SGMS1: variants seen among roughly 807,000 people sequenced by gnomAD.
SGMS1 encodes the protein phosphatidylcholine:ceramide cholinephosphotransferase 1.
SGMS1 carries 13 observed loss-of-function variants against 46.2 expected under a neutral mutation model. The observed-to-expected ratio is 0.28, with a 90% CI of 0.18 to 0.45. The LOEUF is 0.45. Among genes scored for constraint, SGMS1 ranks in the 20% least tolerant of loss-of-function variants. SGMS1 has a pLI of 1.00. For synonymous variants in SGMS1, 203 were observed against 187.8 expected (o/e 1.08, Z -0.66); for missense variants, 324 against 519.9 (o/e 0.62, Z 3.66).
At chr10:50,534,555 G>A (rs3011785) in intron 2 of SGMS1, among the ~76,000 whole-genome samples, 6,838 of 152,162 alleles carry the variant, frequency 0.045, 213 homozygotes, top group Non-Finnish European at 0.068. Context: ...CTATCTTAAG[G>A]AAATAATTAG....
chr10:50,327,173 AG>A, intron 8 of SGMS1, 31 bp downstream of exon 8: 1 of 1,369,276 alleles, frequency 7.3e-7, no homozygotes, highest in Non-Finnish European at 1.0e-6. Flanking sequence ...AGAAACAAAC[AG>A]AAAGCGAAAT....
intron 1 of SGMS1, among the ~76,000 whole-genome samples, chr10:50,591,194 T>G (rs1049788385): frequency 2.0e-5 from 3 of 152,206 alleles, no homozygotes; most frequent in African/African-American, 4.8e-5. Context: ...AAGCAGGGTT[T>G]ATGGATCCCA....
intron 2 of SGMS1, among the ~76,000 whole-genome samples, chr10:50,538,469 A>C (rs941574443): frequency 9.2e-5 from 14 of 151,862 alleles, no homozygotes; most frequent in Non-Finnish European, 1.8e-4. Flanking sequence ...AAAAAAAAAA[A>C]AAAAAAAAGA....
chr10:50,366,094 T>C (rs1323753538), intron 6 of SGMS1, among the ~76,000 whole-genome samples: 2 of 152,282 alleles, frequency 1.3e-5, no homozygotes, highest in Non-Finnish European at 2.9e-5. Context: ...CTGATTAAAC[T>C]AAAGAGTTTC....
chr10:50,307,869 T>G lies in SGMS1; in HGVS notation c.1062+113A>C, dbSNP rs1343821067. The G allele has an allele frequency of 1.0e-5, 10 of 955,474 alleles. No individual in the cohort carries two copies. The East Asian group carries it at 2.2e-4, about 21-fold the overall frequency. 59.2% of individuals were successfully genotyped at this position (955,474 alleles called of 1,614,324 possible). ...AAAAAACAATACAATCTTAGTTGAT[T>G]ACTACTTAAGAAAGAGAAACTTCAG... On this transcript the variant is annotated intron_variant, in intron 10 of 10. Transcript: ENST00000361781. This position sits in a 1 kb window ranked among gnomAD's most constrained non-coding sequence, Gnocchi z 4.2.
At chr10:50,480,906 G>T (rs1380438244) in intron 3 of SGMS1, among the ~76,000 whole-genome samples, 1 of 152,072 alleles carries the variant, frequency 6.6e-6, no homozygotes, top group African/African-American at 2.4e-5. Flanking sequence ...ATCATGGCCA[G>T]ACTGCTTCTT....
chr10:50,374,766 T>C (rs1208816607), intron 6 of SGMS1, among the ~76,000 whole-genome samples: 3 of 152,128 alleles, frequency 2.0e-5, no homozygotes, highest in Non-Finnish European at 4.4e-5. Context: ...ACTGTTTCTC[T>C]AATATGCCTA....
intron 2 of SGMS1, among the ~76,000 whole-genome samples, chr10:50,563,691 C>A (rs575961375): frequency 5.7e-5 from 8 of 139,160 alleles, no homozygotes; most frequent in Admixed American, 3.0e-4. Context: ...TGCAGTGAGC[C>A]GAGATCCCGC....
intron 6 of SGMS1, among the ~76,000 whole-genome samples, chr10:50,431,601 A>G (rs1027436053): frequency 6.6e-6 from 1 of 152,178 alleles, no homozygotes; most frequent in Admixed American, 6.5e-5. Context: ...TTCACTCCCT[A>G]AGATTTTAAT....
At chr10:50,605,844 C>T (rs1838689544) in intron 1 of SGMS1, among the ~76,000 whole-genome samples, 1 of 152,052 alleles carries the variant, frequency 6.6e-6, no homozygotes, top group African/African-American at 2.4e-5. Context: ...GGTATCCATC[C>T]CTCAAATAAT....
intron 1 of SGMS1, among the ~76,000 whole-genome samples, chr10:50,609,521 G>GTTTTTTTT (rs370846975): frequency 8.5e-6 from 1 of 117,010 alleles, no homozygotes; most frequent in African/African-American, 3.2e-5. Context: ...CTTCTCAATA[G>GTTTTTTTT]TTTTTTTTTT....
At chr10:50,439,681 T>C (rs1161986666) in intron 5 of SGMS1, among the ~76,000 whole-genome samples, 1 of 152,174 alleles carries the variant, frequency 6.6e-6, no homozygotes, top group Non-Finnish European at 1.5e-5. Flanking sequence ...AATAACACCA[T>C]ATAAACATTA....
At chr10:50,360,198 C>T (rs1451924710) in intron 6 of SGMS1, among the ~76,000 whole-genome samples, 2 of 152,056 alleles carry the variant, frequency 1.3e-5, no homozygotes, top group South Asian at 2.1e-4. Context: ...TTCATATTCC[C>T]AAGACATAAT....
intron 6 of SGMS1, among the ~76,000 whole-genome samples, chr10:50,382,142 T>C (rs1345620835): frequency 6.6e-6 from 1 of 152,184 alleles, no homozygotes; most frequent in East Asian, 1.9e-4. Flanking sequence ...GTAGTAACCT[T>C]AGAAATTAAG....
intron 5 of SGMS1, among the ~76,000 whole-genome samples, chr10:50,438,435 A>G (rs1849501900): frequency 6.6e-6 from 1 of 152,190 alleles, no homozygotes; most frequent in Non-Finnish European, 1.5e-5. Context: ...CTAGTTAGAG[A>G]GCCCATGAGA....
intron 3 of SGMS1, among the ~76,000 whole-genome samples, chr10:50,510,413 C>G (rs1460511426): frequency 6.6e-6 from 1 of 152,128 alleles, no homozygotes; most frequent in Non-Finnish European, 1.5e-5. Context: ...AAGAGTGAAA[C>G]TACTCGCTTA....
At chr10:50,416,837 TAAAA>T (rs36028635) in intron 6 of SGMS1, among the ~76,000 whole-genome samples, 90 of 117,262 alleles carry the variant, frequency 7.7e-4, no homozygotes, top group Middle Eastern at 4.5e-3. Context: ...TTTATAGAAC[TAAAA>T]AAAAAAAAAA....
chr10:50,324,928 T>C (rs1243395156), intron 8 of SGMS1, among the ~76,000 whole-genome samples: 2 of 152,194 alleles, frequency 1.3e-5, no homozygotes, highest in Non-Finnish European at 2.9e-5. Context: ...GTAAATGTAA[T>C]ATAAAGATTT....
At chr10:50,523,899 G>A (rs1041704250) in intron 2 of SGMS1, among the ~76,000 whole-genome samples, 1 of 152,244 alleles carries the variant, frequency 6.6e-6, no homozygotes, top group East Asian at 1.9e-4. Context: ...AGGCACACGT[G>A]TGCACATGCG....
Sources: allele counts gnomAD v4.1 joint callset (sites outside exome capture counted in the v4.1 genomes callset), GRCh38; gene constraint gnomAD v4.1.1; non-coding constraint Gnocchi (gnomAD v3.1); transcripts MANE v1.5; gene names NCBI Gene and HGNC (gene_info 2026-07-23, HGNC 2026-07-21).